Variants in RORA observed in about 807,000 individuals in gnomAD.
RORA encodes the protein nuclear receptor ROR-alpha.
In RORA, 7 loss-of-function variants were observed where a neutral mutation model predicts 69.5. The ratio of observed to expected loss-of-function variants is 0.10; its 90% CI spans 0.06 to 0.19. The LOEUF is 0.19. RORA is among the 10% of genes least tolerant of loss of function. RORA has a pLI of 1.00. For missense variants in RORA, 457 were observed against 663.0 expected (o/e 0.69, Z 3.41); for synonymous variants, 261 against 240.8 (o/e 1.08, Z -0.78).
chr15:60,621,284 A>AT (rs1316810148), intron 2 of RORA, among the ~76,000 whole-genome samples: 1 of 152,114 alleles, frequency 6.6e-6, no homozygotes, highest in East Asian at 1.9e-4. Context: ...TTGCCCATCC[A>AT]TTTTTTAACA....
intron 1 of RORA, among the ~76,000 whole-genome samples, chr15:61,004,804 T>C (rs115360234): frequency 6.6e-6 from 1 of 152,008 alleles, no homozygotes; most frequent in Admixed American, 6.5e-5. Flanking sequence ...TGAAAAAAAA[T>C]GTCGAACCTC....
At chr15:60,933,612 A>G (rs1892435518) in intron 1 of RORA, among the ~76,000 whole-genome samples, 1 of 151,712 alleles carries the variant, frequency 6.6e-6, no homozygotes, top group Non-Finnish European at 1.5e-5. Context: ...TGGATGGCAT[A>G]CTCCTAAAGG....
At chr15:60,596,875 C>A (rs910357013) in intron 2 of RORA, among the ~76,000 whole-genome samples, 7 of 152,168 alleles carry the variant, frequency 4.6e-5, no homozygotes, top group African/African-American at 1.7e-4. Flanking sequence ...TACACTTTTA[C>A]ACACTCACAC....
rs1430783926 is a variant in RORA, at chr15:60,523,373, G to T, written c.282+8393C>A. On this transcript the variant is annotated intron_variant, in intron 3 of 10. Coordinates refer to ENST00000335670, the MANE Select transcript of RORA (RefSeq NM_134261.3). ...TCAGCAAAAATCATGAGAGCATTCA[G>T]TGAGAATCATTTGTCTATATGAAAT... Among the ~76,000 whole-genome samples the T allele has an allele frequency of 2.6e-5, 4 of 152,188 alleles. No individual in the cohort carries two copies. In the South Asian group the frequency reaches 8.3e-4, roughly 32 times the overall value.
At chr15:60,783,807 T>C (rs1349752012) in intron 1 of RORA, among the ~76,000 whole-genome samples, 2 of 152,236 alleles carry the variant, frequency 1.3e-5, no homozygotes, top group African/African-American at 2.4e-5. Context: ...AAACTTTAAA[T>C]GCCAGGGTTT....
chr15:61,198,501 C>T (rs578207585), intron 1 of RORA, among the ~76,000 whole-genome samples: 21 of 152,222 alleles, frequency 1.4e-4, no homozygotes, highest in Middle Eastern at 3.4e-3. Context: ...ACAAAAGGTA[C>T]GCAGCTTCCA....
At chr15:60,593,108 C>G in intron 2 of RORA, 1 of 324,468 alleles carries the variant, frequency 3.1e-6, no homozygotes, top group South Asian at 2.3e-5. Flanking sequence ...GTAAGCTCCT[C>G]CGAAGTCTTT....
intron 2 of RORA, among the ~76,000 whole-genome samples, chr15:60,571,464 T>A (rs2067879300): frequency 1.3e-5 from 2 of 152,182 alleles, no homozygotes; most frequent in African/African-American, 4.8e-5. Flanking sequence ...AATTAAACCT[T>A]TTGATAGAAA....
intron 2 of RORA, among the ~76,000 whole-genome samples, chr15:60,561,082 G>GTTTTTTTTTTTTTT (rs571970599): frequency 6.6e-5 from 8 of 122,052 alleles, no homozygotes; most frequent in African/African-American, 2.1e-4. Context: ...TTTTGTTTTT[G>GTTTTTTTTTTTTTT]TTTTTTTTTT....
At chr15:60,595,968 T>G (rs75106398) in intron 2 of RORA, among the ~76,000 whole-genome samples, 2,851 of 152,312 alleles carry the variant, frequency 0.019, 79 homozygotes, top group African/African-American at 0.063. Context: ...AATGCCAAGT[T>G]GTTCCCAAAA....
chr15:60,879,670 C>T (rs1477862568), intron 1 of RORA, among the ~76,000 whole-genome samples: 1 of 152,018 alleles, frequency 6.6e-6, no homozygotes, highest in Non-Finnish European at 1.5e-5. Flanking sequence ...TAAGAGGACA[C>T]GAAGTGGCAC....
In RORA at chr15:60,813,293, C is replaced by T. The variant is rs145207405; in HGVS notation, c.167-134607G>A. Among the ~76,000 whole-genome samples the T allele has an allele frequency of 3.7e-3, 561 of 152,294 alleles. 2 individuals are homozygous for T. Among genetic ancestry groups the T allele is most frequent in the African/African-American group, 0.013 (539 of 41,542 alleles). On this transcript the variant is annotated intron_variant, in intron 1 of 10. Transcript: ENST00000335670. ...AGGGCAGAGACCATTGCAGGCCACT[C>T]GCTTTGTGGAGTTCTATCTGGACGC... is the stretch of plus-strand genomic sequence containing the variant.
At chr15:60,795,396 ATTC>A (rs1179030122) in intron 1 of RORA, among the ~76,000 whole-genome samples, 1 of 152,154 alleles carries the variant, frequency 6.6e-6, no homozygotes, top group Non-Finnish European at 1.5e-5. Context: ...TTGCTTTTAT[ATTC>A]TTCTTCTCTA....
chr15:60,903,612 C>T (rs1411767171), intron 1 of RORA, among the ~76,000 whole-genome samples: 2 of 152,132 alleles, frequency 1.3e-5, no homozygotes, highest in Admixed American at 1.3e-4. Flanking sequence ...TACCTTTCTC[C>T]AAGTAGTATG....
At chr15:61,201,357 A>G (rs1028717256) in intron 1 of RORA, among the ~76,000 whole-genome samples, 20 of 152,318 alleles carry the variant, frequency 1.3e-4, no homozygotes, top group African/African-American at 4.6e-4. Flanking sequence ...GGGTTAGGGG[A>G]GTCAGGTCAA....
chr15:60,752,080 T>C (rs2071731316), intron 1 of RORA, among the ~76,000 whole-genome samples: 1 of 151,108 alleles, frequency 6.6e-6, no homozygotes, highest in South Asian at 2.1e-4. Context: ...TGAGTCTTCT[T>C]TGACTTGCTA....
intron 1 of RORA, among the ~76,000 whole-genome samples, chr15:61,023,062 C>T (rs1159957658): frequency 6.6e-6 from 1 of 151,684 alleles, no homozygotes; most frequent in Non-Finnish European, 1.5e-5. Flanking sequence ...GTGGCGGGCA[C>T]CTGTAATCCC....
At chr15:60,979,835 C>G (rs1349618543) in intron 1 of RORA, among the ~76,000 whole-genome samples, 2 of 152,120 alleles carry the variant, frequency 1.3e-5, no homozygotes, top group Non-Finnish European at 2.9e-5. Flanking sequence ...AATCTGGATT[C>G]TCTCTTTCTC....
chr15:61,086,574 A>C (rs1043855684), intron 1 of RORA, among the ~76,000 whole-genome samples: 1 of 152,184 alleles, frequency 6.6e-6, no homozygotes, highest in Non-Finnish European at 1.5e-5. Flanking sequence ...GGGACAAATA[A>C]AATTTTGAGT....
Sources: allele counts gnomAD v4.1 joint callset (sites outside exome capture counted in the v4.1 genomes callset), GRCh38; gene constraint gnomAD v4.1.1; transcripts MANE v1.5; gene names NCBI Gene and HGNC (gene_info 2026-07-23, HGNC 2026-07-21).